The following ATF6 variants were observed in gnomAD, a reference collection of about 807,000 sequenced individuals.
ATF6 encodes cyclic AMP-dependent transcription factor ATF-6 alpha.
Under a neutral mutation model 83.6 loss-of-function variants are expected in ATF6, and 53 were observed. The observed-to-expected ratio is 0.63, with a 90% CI of 0.51 to 0.80. The LOEUF (loss-of-function observed/expected upper bound fraction) is 0.80, where lower values mean the gene tolerates loss of function less well. Ranked by LOEUF, ATF6 falls within the 30% of genes least tolerant of loss-of-function variation. ATF6 has a pLI of 0.00. For synonymous variants in ATF6, 288 were observed against 285.8 expected, an observed-to-expected ratio of 1.01 and a Z score of -0.08; for missense variants, 744 against 797.9, an observed-to-expected ratio of 0.93 and a Z score of 0.81.
chr1:161,831,669 A>C (rs1357401782), intron 9 of ATF6, among the ~76,000 whole-genome samples: 1 of 152,054 alleles, frequency 6.6e-6, no homozygotes, highest in African/African-American at 2.4e-5. Context: ...TCTGGAAACC[A>C]TCATTCTCAG....
chr1:161,859,590 C>A (rs535701678), intron 12 of ATF6, among the ~76,000 whole-genome samples: 1 of 152,082 alleles, frequency 6.6e-6, no homozygotes, highest in Non-Finnish European at 1.5e-5. Context: ...CCTGACAAAC[C>A]GCTTCTGAAA....
At chr1:161,924,881 C>A (rs1057284364) in intron 15 of ATF6, among the ~76,000 whole-genome samples, 7 of 152,124 alleles carry the variant, frequency 4.6e-5, no homozygotes, top group African/African-American at 1.7e-4. Flanking sequence ...ACAAAGTTAT[C>A]CATGGTAACT....
intron 15 of ATF6, among the ~76,000 whole-genome samples, chr1:161,937,178 A>G (rs1571248973): frequency 6.6e-6 from 1 of 151,948 alleles, no homozygotes; most frequent in African/African-American, 2.4e-5. Flanking sequence ...CACTCCTACT[A>G]AAAATACAAA....
intron 7 of ATF6, among the ~76,000 whole-genome samples, chr1:161,814,676 G>A (rs1685567864): frequency 6.6e-6 from 1 of 152,130 alleles, no homozygotes; most frequent in Non-Finnish European, 1.5e-5. Flanking sequence ...AATTTTGACT[G>A]TCATGAGATT....
chr1:161,941,431 G>A (rs1688639626), intron 15 of ATF6, among the ~76,000 whole-genome samples: 1 of 152,218 alleles, frequency 6.6e-6, no homozygotes, highest in Non-Finnish European at 1.5e-5. Flanking sequence ...CTGTTGGTCT[G>A]TGGGAGAAGT....
chr1:161,917,150 C>G (rs1463593684), intron 15 of ATF6, among the ~76,000 whole-genome samples: 1 of 152,168 alleles, frequency 6.6e-6, no homozygotes, highest in Non-Finnish European at 1.5e-5. Flanking sequence ...TAACTCATGT[C>G]ATGCTGAGCT....
chr1:161,803,517 G>A (rs1179448991), intron 7 of ATF6, among the ~76,000 whole-genome samples: 3 of 152,166 alleles, frequency 2.0e-5, no homozygotes, highest in Admixed American at 1.3e-4. Flanking sequence ...GGCATAATAG[G>A]CTCTAATACA....
chr1:161,814,449 A>G (rs1685560312), intron 7 of ATF6, among the ~76,000 whole-genome samples: 1 of 152,196 alleles, frequency 6.6e-6, no homozygotes, highest in South Asian at 2.1e-4. Flanking sequence ...GACTTTGTCT[A>G]TTATCTGTTC....
chr1:161,773,140 A>ATTTTTTTTTTTTTTTTTTT (rs759769528), intron 1 of ATF6, among the ~76,000 whole-genome samples: 1 of 130,074 alleles, frequency 7.7e-6, no homozygotes. Flanking sequence ...TACTTTTTGT[A>ATTTTTTTTTTTTTTTTTTT]TTTTTTTTTT....
At chr1:161,832,597 G>A (rs767732385) in intron 9 of ATF6, among the ~76,000 whole-genome samples, 3 of 152,206 alleles carry the variant, frequency 2.0e-5, no homozygotes, top group East Asian at 1.9e-4. Flanking sequence ...AACAGCACAC[G>A]AGGAGATTAT....
intron 14 of ATF6, among the ~76,000 whole-genome samples, chr1:161,871,348 G>A (rs79931767): frequency 0.013 from 1,976 of 151,638 alleles, 47 homozygotes; most frequent in African/African-American, 0.044. Context: ...AGGAATTAGG[G>A]TGGGAGGTGG....
At chr1:161,791,891 G>C (rs577024686) in intron 5 of ATF6, among the ~76,000 whole-genome samples, 1 of 152,272 alleles carries the variant, frequency 6.6e-6, no homozygotes, top group Admixed American at 6.5e-5. Flanking sequence ...TCCTTTACCA[G>C]TTAGTGTGTC....
At chr1:161,929,740 AT>A (rs1278631239) in intron 15 of ATF6, among the ~76,000 whole-genome samples, 1 of 152,224 alleles carries the variant, frequency 6.6e-6, no homozygotes, top group Non-Finnish European at 1.5e-5. Context: ...TGGCCTTAAT[AT>A]CACAAAAAGA....
intron 14 of ATF6, among the ~76,000 whole-genome samples, chr1:161,899,918 A>G (rs1687747839): frequency 1.3e-5 from 2 of 152,176 alleles, no homozygotes; most frequent in South Asian, 2.1e-4. Context: ...CTTCATTTCA[A>G]TATAACATTG....
intron 15 of ATF6, among the ~76,000 whole-genome samples, chr1:161,947,816 T>C (rs1002200493): frequency 3.9e-5 from 1 of 25,732 alleles, no homozygotes; most frequent in Non-Finnish European, 1.5e-4. Context: ...ACGCCTTTTT[T>C]TTTTTTTTTT....
intron 15 of ATF6, among the ~76,000 whole-genome samples, chr1:161,954,566 G>A (rs1299785061): frequency 6.6e-6 from 1 of 152,194 alleles, no homozygotes; most frequent in Non-Finnish European, 1.5e-5. Flanking sequence ...TGATCAAGGT[G>A]TCTGGCTAGT....
chr1:161,791,138 T>A (rs1684870406), intron 4 of ATF6, among the ~76,000 whole-genome samples: 1 of 149,634 alleles, frequency 6.7e-6, no homozygotes, highest in Admixed American at 6.7e-5. Flanking sequence ...GTGTGTAGTT[T>A]GTAGGAAGAA....
At chr1:161,864,524 A>G (rs1686950351) in intron 14 of ATF6, among the ~76,000 whole-genome samples, 1 of 152,178 alleles carries the variant, frequency 6.6e-6, no homozygotes, top group South Asian at 2.1e-4. Flanking sequence ...TTCTTTTCCT[A>G]AGGTATAAAT....
At chr1:161,937,483 C>T (rs1481908354) in intron 15 of ATF6, among the ~76,000 whole-genome samples, 1 of 151,764 alleles carries the variant, frequency 6.6e-6, no homozygotes, top group Admixed American at 6.6e-5. Context: ...AATCTCTTCA[C>T]TAATGTAATG....
Sources: gnomAD v4.1 joint callset for allele counts (sites outside exome capture counted in the v4.1 genomes callset) on GRCh38, gnomAD v4.1.1 for gene constraint, MANE v1.5 for transcripts, NCBI Gene and HGNC (gene_info 2026-07-23, HGNC 2026-07-21) for gene names.